ST8SIA1: variants seen among roughly 807,000 people sequenced by gnomAD.
ST8SIA1 encodes the protein alpha-N-acetylneuraminide alpha-2,8-sialyltransferase.
Under a neutral mutation model 35.9 loss-of-function variants are expected in ST8SIA1, and 16 were observed. The ratio of observed to expected loss-of-function variants is 0.45; its 90% confidence interval spans 0.30 to 0.68. The LOEUF (loss-of-function observed/expected upper bound fraction) is 0.68. Among genes scored for constraint, ST8SIA1 ranks in the 30% least tolerant of loss-of-function variants. ST8SIA1 has a pLI of 0.09. For missense variants in ST8SIA1, 383 were observed against 453.6 expected (o/e 0.84, Z 1.41); for synonymous variants, 170 against 169.6 (o/e 1.00, Z -0.02).
At chr12:22,250,996 T>C (rs1201715453) in intron 3 of ST8SIA1, among the ~76,000 whole-genome samples, 1 of 151,986 alleles carries the variant, frequency 6.6e-6, no homozygotes. Flanking sequence ...CCCATGTGGT[T>C]TCCTGAGGAT....
intron 2 of ST8SIA1, among the ~76,000 whole-genome samples, chr12:22,280,313 A>G (rs1266728216): frequency 6.6e-6 from 1 of 152,208 alleles, no homozygotes; most frequent in Non-Finnish European, 1.5e-5. Context: ...AAGAAAAAAA[A>G]CTAAAGGTAT....
chr12:22,318,123 G>C (rs189521609), intron 1 of ST8SIA1, among the ~76,000 whole-genome samples: 137 of 152,226 alleles, frequency 9.0e-4, no homozygotes, highest in Middle Eastern at 3.4e-3. Context: ...CTTTATGTTT[G>C]ATTAATACAC....
chr12:22,205,495 C>T (rs1865096994), intron 4 of ST8SIA1, among the ~76,000 whole-genome samples: 1 of 151,862 alleles, frequency 6.6e-6, no homozygotes, highest in African/African-American at 2.4e-5. Context: ...GGGGACAAAA[C>T]CAATAAGATT....
chr12:22,263,839 G>T (rs1192373943), intron 2 of ST8SIA1, among the ~76,000 whole-genome samples: 9 of 152,170 alleles, frequency 5.9e-5, no homozygotes, highest in Non-Finnish European at 1.3e-4. Context: ...TTAGCTGCAG[G>T]TCTCAAACCA....
In ST8SIA1 at chr12:22,195,649, A is replaced by G. The variant is rs1372666545; in HGVS notation, c.*5903T>C. The G allele has an allele frequency of 6.6e-6, 1 of 152,150 alleles. No individual in the cohort carries two copies. The highest frequency in any genetic ancestry group is 6.5e-5 in the Admixed American group (1 of 15,272). 9.4% of individuals were successfully genotyped at this position (152,150 alleles called of 1,614,324 possible). ...AAGATATTTCCTTTAAAATATTTCAAAAAGGTTCCATTCTTGAGGCTGCAC... is the reference window on the plus strand; with the variant it reads ...AAGATATTTCCTTTAAAATATTTCAGAAAGGTTCCATTCTTGAGGCTGCAC... On this transcript the variant is annotated 3_prime_UTR_variant, in exon 5 of 5. Transcript: ENST00000396037.
chr12:22,300,054 A>G (rs1866299785), intron 1 of ST8SIA1, among the ~76,000 whole-genome samples: 2 of 152,186 alleles, frequency 1.3e-5, no homozygotes, highest in Admixed American at 1.3e-4. Context: ...TGGTTTGCTT[A>G]GAAATAAAAC....
rs2300713 is a variant in ST8SIA1, at chr12:22,214,988, T to C, written c.585-12950A>G. On this transcript the variant is annotated intron_variant, in intron 4 of 4. Transcript: ENST00000396037. ...ATTCTATGCTCTGAATTATATTGTG[T>C]AGCTTTTCCCTGAGTAGAAGACATA... 6.2e-4 allele frequency among the ~76,000 whole-genome samples: 94 copies of C among 152,278 alleles called. No homozygotes were observed. The East Asian group carries it at 0.013, about 21-fold the overall frequency.
chr12:22,231,699 G>A (rs1183710910), intron 4 of ST8SIA1, among the ~76,000 whole-genome samples: 4 of 151,448 alleles, frequency 2.6e-5, no homozygotes, highest in Admixed American at 1.3e-4. Flanking sequence ...TCAGCCCCCC[G>A]AGTAGCTGGG....
chr12:22,334,327 A>C lies in ST8SIA1; in HGVS notation c.-95T>G. Reference sequence around the variant, plus strand: ...GTCCCCCACCGCCAGCCCCCCATGCACACACACCTTTGGTTCTCTTACTTG... The same window carrying C: ...GTCCCCCACCGCCAGCCCCCCATGCCCACACACCTTTGGTTCTCTTACTTG... On this transcript the variant is annotated 5_prime_UTR_variant, in exon 1 of 5. Coordinates refer to ENST00000396037, the MANE Select transcript of ST8SIA1 (RefSeq NM_003034.4). 1.1e-6 allele frequency: 1 copy of C among 918,068 alleles called. No homozygotes were observed. The highest frequency in any genetic ancestry group is 1.7e-6 in the Non-Finnish European group (1 of 605,482). 56.9% of individuals were successfully genotyped at this position (918,068 alleles called of 1,614,324 possible).
chr12:22,230,839 A>G (rs1398537920), intron 4 of ST8SIA1, among the ~76,000 whole-genome samples: 2 of 152,108 alleles, frequency 1.3e-5, no homozygotes, highest in East Asian at 3.9e-4. Context: ...GAGCAAGGAT[A>G]CCACAATTGG....
At chr12:22,221,146 G>C (rs756838780) in intron 4 of ST8SIA1, among the ~76,000 whole-genome samples, 58 of 152,072 alleles carry the variant, frequency 3.8e-4, no homozygotes, top group Non-Finnish European at 5.9e-4. Flanking sequence ...GGAGAAGCAT[G>C]CAGTTATTTC....
intron 4 of ST8SIA1, among the ~76,000 whole-genome samples, chr12:22,220,980 T>A (rs1054847922): frequency 6.6e-6 from 1 of 152,230 alleles, no homozygotes; most frequent in African/African-American, 2.4e-5. Context: ...TTTCTACATA[T>A]TGGCAGTGTG....
chr12:22,244,167 A>G (rs1206350923), intron 4 of ST8SIA1, among the ~76,000 whole-genome samples: 1 of 152,216 alleles, frequency 6.6e-6, no homozygotes, highest in Non-Finnish European at 1.5e-5. Context: ...ATTAACTATA[A>G]GTTGTATAGT....
chr12:22,248,107 C>T (rs1358900242), intron 4 of ST8SIA1, among the ~76,000 whole-genome samples: 1 of 152,080 alleles, frequency 6.6e-6, no homozygotes, highest in Non-Finnish European at 1.5e-5. Flanking sequence ...AAATTAAAAG[C>T]TGATTGCATT....
At chr12:22,221,370 T>C (rs1052308841) in intron 4 of ST8SIA1, among the ~76,000 whole-genome samples, 2 of 152,140 alleles carry the variant, frequency 1.3e-5, no homozygotes, top group African/African-American at 4.8e-5. Flanking sequence ...AATCAAAAAC[T>C]TGTATGATTA....
At chr12:22,211,352 G>A (rs1344376099) in intron 4 of ST8SIA1, among the ~76,000 whole-genome samples, 1 of 152,318 alleles carries the variant, frequency 6.6e-6, no homozygotes, top group East Asian at 1.9e-4. Flanking sequence ...AGACTGGGGG[G>A]TGGGGCTAAA....
intron 2 of ST8SIA1, among the ~76,000 whole-genome samples, chr12:22,280,333 T>C (rs1226805559): frequency 6.6e-6 from 1 of 152,110 alleles, no homozygotes; most frequent in Non-Finnish European, 1.5e-5. Context: ...TACCAGGTTC[T>C]CCTGCAGGGA....
intron 1 of ST8SIA1, among the ~76,000 whole-genome samples, chr12:22,311,711 C>G (rs1866451255): frequency 6.6e-6 from 1 of 152,020 alleles, no homozygotes. Context: ...AATTCTCTAG[C>G]CCATTAAATC....
At position 22,201,995 on chromosome 12, in the gene ST8SIA1, T is replaced by A. The variant is rs769038008; in HGVS notation, c.628A>T (p.Met210Leu). ...ATGTAACTGTGGTTATAAATTTTCATGTTGTCCACAAATGTCTTTCTGGAC... is the reference window on the plus strand; with the variant it reads ...ATGTAACTGTGGTTATAAATTTTCAAGTTGTCCACAAATGTCTTTCTGGAC... ...LWSRKTFVDNMKIYNHSYIYM... is the reference protein window; with the variant it reads ...LWSRKTFVDNLKIYNHSYIYM... Residue 210 changes from methionine (M) to leucine (L), a missense_variant, in exon 5 of 5, where the codon ATG becomes TTG. Transcript: ENST00000396037. 1 of 1,612,940 alleles carries A rather than the reference T, an allele frequency of 6.2e-7. No individual in the cohort carries two copies. Among genetic ancestry groups the A allele is most frequent in the South Asian group, 1.1e-5 (1 of 90,808 alleles).
Sources: gnomAD v4.1 joint callset for allele counts (sites outside exome capture counted in the v4.1 genomes callset) on GRCh38, gnomAD v4.1.1 for gene constraint, MANE v1.5 for transcripts, NCBI Gene and HGNC (gene_info 2026-07-23, HGNC 2026-07-21) for gene names.